Variants in PAK4 observed in about 807,000 individuals in gnomAD.
The protein encoded by PAK4 is p21 (RAC1) activated kinase 4.
PAK4 carries 49 observed loss-of-function variants against 53.5 expected under a neutral mutation model. That is an observed-to-expected ratio of 0.92 (90% CI 0.73 to 1.16). The LOEUF (loss-of-function observed/expected upper bound fraction) is 1.16, where lower values mean the gene tolerates loss of function less well. Among genes scored for constraint, PAK4 ranks in the 50% most tolerant of loss-of-function variants. The pLI is 0.00. For missense variants in PAK4, 824 were observed against 850.7 expected, an observed-to-expected ratio of 0.97 and a Z score of 0.39; for synonymous variants, 376 against 375.6, an observed-to-expected ratio of 1.00 and a Z score of -0.01.
At chr19:39,128,370 C>T (rs1477988453) in intron 1 of PAK4, among the ~76,000 whole-genome samples, 2 of 152,302 alleles carry the variant, frequency 1.3e-5, no homozygotes, top group Admixed American at 6.5e-5. Context: ...GCAGCCACCC[C>T]ATCCCTACCT....
chr19:39,144,779 AGT>A (rs3057072), intron 1 of PAK4, among the ~76,000 whole-genome samples: 49 of 151,474 alleles, frequency 3.2e-4, no homozygotes, highest in Admixed American at 2.0e-3. Flanking sequence ...CATGTGTGTG[AGT>A]GTGTGTGTGT....
At chr19:39,167,686 C>T (rs1465340798) in intron 1 of PAK4, among the ~76,000 whole-genome samples, 2 of 152,124 alleles carry the variant, frequency 1.3e-5, no homozygotes, top group Non-Finnish European at 2.9e-5. Flanking sequence ...GGCCCCCACC[C>T]CCCTCCCACG....
intron 2 of PAK4, 91 bp downstream of exon 3, chr19:39,169,848 C>T (rs568035700): frequency 9.1e-6 from 8 of 878,528 alleles, no homozygotes; most frequent in African/African-American, 1.7e-5. Flanking sequence ...GTGACCGACA[C>T]CTCCTCACTG....
At chr19:39,160,404 C>T (rs1209594304) in intron 1 of PAK4, among the ~76,000 whole-genome samples, 1 of 152,208 alleles carries the variant, frequency 6.6e-6, no homozygotes, top group Non-Finnish European at 1.5e-5. Flanking sequence ...TGACATTCTG[C>T]TGGGGGCACT....
intron 1 of PAK4, among the ~76,000 whole-genome samples, chr19:39,147,841 G>GTT (rs35845376): frequency 0.022 from 287 of 13,216 alleles, 27 homozygotes; most frequent in Non-Finnish European, 0.031. Flanking sequence ...TTGTTTTCGG[G>GTT]TTTTTTTTTT....
Position 39,178,861 on chromosome 19 carries a change from G to C in PAK4, c.*282G>C, listed in dbSNP as rs45573536. 25 of 404,018 alleles carry C rather than the reference G, an allele frequency of 6.2e-5. No homozygotes were observed. The highest frequency in any genetic ancestry group is 1.0e-4 in the Non-Finnish European group (23 of 224,762). 25.0% of individuals were successfully genotyped at this position (404,018 alleles called of 1,614,324 possible). A position where few individuals can be genotyped will look rare whatever the true frequency, so the allele number is the denominator to read the frequency against. On this transcript the variant is annotated 3_prime_UTR_variant, in exon 9 of 9. Coordinates refer to ENST00000358301, the Ensembl canonical transcript of PAK4. This position sits in a 1 kb window ranked among gnomAD's most constrained non-coding sequence, Gnocchi z 4.4. ...TTCTTCTGTCTCCAGGAAGGGCAGCGGCCCTCCCATCACTGGAAGTCTGCA... is the reference window on the plus strand; with the variant it reads ...TTCTTCTGTCTCCAGGAAGGGCAGCCGCCCTCCCATCACTGGAAGTCTGCA...
chr19:39,162,557 C>T (rs1418686651), intron 1 of PAK4, among the ~76,000 whole-genome samples: 1 of 152,194 alleles, frequency 6.6e-6, no homozygotes. Flanking sequence ...CGTGAACCAC[C>T]GTGCCCGGCC....
At chr19:39,154,025 T>C (rs1833284278) in intron 1 of PAK4, among the ~76,000 whole-genome samples, 1 of 152,226 alleles carries the variant, frequency 6.6e-6, no homozygotes, top group African/African-American at 2.4e-5. Flanking sequence ...TTTTTGCCTC[T>C]TCTGTGTGGC....
chr19:39,136,832 T>G (rs1426117909), intron 1 of PAK4, among the ~76,000 whole-genome samples: 1 of 152,150 alleles, frequency 6.6e-6, no homozygotes, highest in Non-Finnish European at 1.5e-5. Context: ...CCGCCCTGGG[T>G]GGGGCACACC....
At position 39,173,894 on chromosome 19, in the gene PAK4, G is replaced by A. The variant is rs755582082; in HGVS notation, c.982G>A (p.Gly328Ser). Residue 328 changes from glycine (G) to serine (S), a missense_variant, in exon 4 of 9, where the codon GGC becomes AGC. Transcript: ENST00000358301. The surrounding 1 kb of genome is among the most constrained non-coding windows in gnomAD (Gnocchi z 6.9). The stretch of plus-strand genomic sequence containing the variant: ...CTACCTGGACAACTTCATCAAGATT[G>A]GCGAGGGCTCCACGGGCATCGTGTG... 7 of 1,612,450 alleles carry A rather than the reference G, an allele frequency of 4.3e-6. No homozygotes were observed. The highest frequency in any genetic ancestry group is 3.3e-5 in the Admixed American group (2 of 59,970).
intron 1 of PAK4, among the ~76,000 whole-genome samples, chr19:39,152,951 G>A (rs116152100): frequency 0.012 from 1,898 of 152,242 alleles, 38 homozygotes; most frequent in African/African-American, 0.043. Flanking sequence ...CGCGGTTATG[G>A]AGGGCTGACT....
intron 1 of PAK4, among the ~76,000 whole-genome samples, chr19:39,144,153 TA>T (rs2073960276): frequency 8.5e-6 from 1 of 117,196 alleles, no homozygotes; most frequent in African/African-American, 3.2e-5. Context: ...GATAGATAGA[TA>T]GATAGATTAG....
chr19:39,178,411 T>A lies in PAK4; in HGVS notation c.1621-13T>A, dbSNP rs115495399. The A allele has an allele frequency of 1.0e-3, 1,609 of 1,572,972 alleles. 12 individuals are homozygous for A. The African/African-American group carries it at 0.016, about 16-fold the overall frequency. On this transcript the variant is annotated splice_polypyrimidine_tract_variant and intron_variant, in intron 8 of 8. Transcript: ENST00000358301. The surrounding 1 kb of genome is among the most constrained non-coding windows in gnomAD (Gnocchi z 4.4). ...GGAGCCTCGCCCCCTGACCCTCCCC[T>A]CCTTCTCGACAGGTGTCGCCATCCC...
intron 1 of PAK4, among the ~76,000 whole-genome samples, chr19:39,141,718 T>G (rs1407389846): frequency 6.6e-6 from 1 of 151,482 alleles, no homozygotes; most frequent in Non-Finnish European, 1.5e-5. Flanking sequence ...CACTGCAACC[T>G]CCGCCTCCCA....
At chr19:39,155,864 A>T (rs1319831706) in intron 1 of PAK4, among the ~76,000 whole-genome samples, 1 of 152,208 alleles carries the variant, frequency 6.6e-6, no homozygotes, top group African/African-American at 2.4e-5. Flanking sequence ...GGCAGCAGTG[A>T]GGCAAAGCCC....
intron 7 of PAK4, 140 bp from the exon 9 acceptor site, chr19:39,177,535 G>C: frequency 1.2e-6 from 1 of 819,940 alleles, no homozygotes; most frequent in East Asian, 3.0e-5. Flanking sequence ...ACTGCTGGCT[G>C]GGTGCCCAAG....
At position 39,175,648 on chromosome 19, in the gene PAK4, G is replaced by A. The variant is rs1464558590; in HGVS notation, c.1359+210G>A. On this transcript the variant is annotated intron_variant, in intron 6 of 8. Transcript: ENST00000358301. This position sits in a 1 kb window ranked among gnomAD's most constrained non-coding sequence, Gnocchi z 4.7. ...GTGCAGTGGGAGGGCACAGGCTGGC[G>A]GGGGCTCTGCCATCAGCACAGGACA... Among the ~76,000 whole-genome samples the A allele has an allele frequency of 6.6e-6, 1 of 152,130 alleles. No individual in the cohort carries two copies. The highest frequency in any genetic ancestry group is 1.5e-5 in the Non-Finnish European group (1 of 68,008).
At chr19:39,141,824 A>T (rs893603156) in intron 1 of PAK4, among the ~76,000 whole-genome samples, 5 of 151,908 alleles carry the variant, frequency 3.3e-5, no homozygotes, top group Admixed American at 6.6e-5. Flanking sequence ...TTTAGTAGAG[A>T]CAGAGTTTCC....
chr19:39,144,427 G>A (rs147729809), intron 1 of PAK4, among the ~76,000 whole-genome samples: 60 of 152,326 alleles, frequency 3.9e-4, no homozygotes, highest in African/African-American at 1.3e-3. Context: ...ACGGGGCACC[G>A]ATGAGCCAGC....
Sources: gnomAD v4.1 joint callset for allele counts (sites outside exome capture counted in the v4.1 genomes callset) on GRCh38, gnomAD v4.1.1 for gene constraint, Gnocchi (gnomAD v3.1) non-coding constraint, MANE v1.5 for transcripts, NCBI Gene and HGNC (gene_info 2026-07-23, HGNC 2026-07-21) for gene names.